TMEM117: variants seen among roughly 807,000 people sequenced by gnomAD.
TMEM117 encodes the protein transmembrane protein 117.
In TMEM117, 27 loss-of-function variants were observed where a neutral mutation model predicts 52.4. The observed-to-expected ratio is 0.51, with a 90% CI of 0.38 to 0.71. The LOEUF is 0.71. TMEM117 is among the 30% of genes least tolerant of loss of function. The pLI is 0.00. For missense variants in TMEM117, 556 were observed against 630.5 expected, an observed-to-expected ratio of 0.88 and a Z score of 1.26; for synonymous variants, 215 against 206.3, an observed-to-expected ratio of 1.04 and a Z score of -0.36.
intron 6 of TMEM117, among the ~76,000 whole-genome samples, chr12:44,350,695 A>T (rs1951550688): frequency 6.6e-6 from 1 of 151,920 alleles, no homozygotes; most frequent in African/African-American, 2.4e-5. Flanking sequence ...AGATGGCAGG[A>T]TCTCATTGTT....
chr12:44,097,670 A>G (rs1045308608), intron 3 of TMEM117, among the ~76,000 whole-genome samples: 1 of 149,064 alleles, frequency 6.7e-6, no homozygotes, highest in Non-Finnish European at 1.5e-5. Flanking sequence ...AACAACGAGA[A>G]CACATGGACA....
intron 2 of TMEM117, among the ~76,000 whole-genome samples, chr12:43,904,951 C>T (rs555991540): frequency 1.3e-4 from 20 of 152,136 alleles, no homozygotes; most frequent in African/African-American, 4.8e-4. Flanking sequence ...CGAGACCAGC[C>T]TAACCAACAA....
At chr12:44,074,362 A>C (rs1025113861) in intron 3 of TMEM117, among the ~76,000 whole-genome samples, 1 of 152,168 alleles carries the variant, frequency 6.6e-6, no homozygotes, top group African/African-American at 2.4e-5. Flanking sequence ...TTATTTATTA[A>C]ATCCCTTCTC....
intron 2 of TMEM117, among the ~76,000 whole-genome samples, chr12:43,848,655 CA>C (rs1461685843): frequency 6.6e-6 from 1 of 152,098 alleles, no homozygotes; most frequent in Non-Finnish European, 1.5e-5. Context: ...ACACATGTTT[CA>C]CAATCAATTT....
At chr12:44,339,532 A>G (rs144847719) in intron 6 of TMEM117, among the ~76,000 whole-genome samples, 20 of 152,224 alleles carry the variant, frequency 1.3e-4, no homozygotes, top group African/African-American at 4.8e-4. Context: ...AAATATTATT[A>G]GAAAAATTAG....
Position 44,143,534 on chromosome 12 carries a change from C to A in TMEM117, c.420C>A (p.Ile140=), listed in dbSNP as rs777915938. The change falls in exon 4 of 8, where the codon ATC becomes ATA. Residue 140 remains isoleucine, a synonymous_variant. Coordinates refer to ENST00000266534, the MANE Select transcript of TMEM117 (RefSeq NM_032256.3). ...LLMDGNMGAY[I]ITDYMGIRNE... is the part of the protein sequence containing the mutation. ...GTGTTTGTTTCCACAGAGCATATAT[C>A]ATTACAGACTATATGGGCATCCGAA... is the stretch of plus-strand genomic sequence containing the variant. The A allele has an allele frequency of 5.0e-6, 8 of 1,611,364 alleles. No homozygotes were observed. The highest frequency in any genetic ancestry group is 1.7e-5 in the Admixed American group (1 of 59,796).
chr12:44,391,156 G>A (rs896340707), downstream of TMEM117, among the ~76,000 whole-genome samples: 4 of 152,084 alleles, frequency 2.6e-5, no homozygotes, highest in African/African-American at 9.7e-5. Flanking sequence ...TCCACATAGT[G>A]CAGAATTTGA....
chr12:43,960,854 A>G (rs771787859), intron 3 of TMEM117, among the ~76,000 whole-genome samples: 35 of 152,184 alleles, frequency 2.3e-4, no homozygotes, highest in Non-Finnish European at 4.4e-4. Context: ...AGTGATATTA[A>G]TATTACTATT....
chr12:43,830,860 A>C, the TMEM117 span, among the ~76,000 whole-genome samples: 1 of 152,220 alleles, frequency 6.6e-6, no homozygotes, highest in Non-Finnish European at 1.5e-5. Context: ...TAAGACATGC[A>C]AAGCAGCTAC....
intron 3 of TMEM117, among the ~76,000 whole-genome samples, chr12:43,968,168 T>A (rs1278456221): frequency 6.6e-6 from 1 of 152,228 alleles, no homozygotes; most frequent in East Asian, 1.9e-4. Context: ...TCTTTCTTAT[T>A]GAATGCAAAT....
intron 3 of TMEM117, among the ~76,000 whole-genome samples, chr12:43,949,757 C>G (rs1945190528): frequency 6.6e-6 from 1 of 152,146 alleles, no homozygotes; most frequent in Non-Finnish European, 1.5e-5. Flanking sequence ...GCCTAGCTAC[C>G]TACTCCAACA....
chr12:44,063,568 T>C (rs1947173335), intron 3 of TMEM117, among the ~76,000 whole-genome samples: 1 of 151,980 alleles, frequency 6.6e-6, no homozygotes. Flanking sequence ...GCTGCACCCA[T>C]TAACTCGTCA....
intron 3 of TMEM117, among the ~76,000 whole-genome samples, chr12:44,048,121 A>G (rs1946908864): frequency 2.6e-5 from 4 of 152,152 alleles, no homozygotes; most frequent in Admixed American, 1.3e-4. Flanking sequence ...TTAGAAATTT[A>G]TCCATTTTCT....
intron 4 of TMEM117, among the ~76,000 whole-genome samples, chr12:44,165,588 A>T (rs1322700366): frequency 3.3e-5 from 5 of 152,230 alleles, no homozygotes; most frequent in Non-Finnish European, 1.5e-5. Context: ...ATACTTAGAT[A>T]AAACAGACTT....
chr12:44,135,086 A>T (rs1948470274), intron 3 of TMEM117, among the ~76,000 whole-genome samples: 1 of 152,094 alleles, frequency 6.6e-6, no homozygotes, highest in South Asian at 2.1e-4. Context: ...ATTACAGGGG[A>T]TAAAACTGTG....
intron 3 of TMEM117, among the ~76,000 whole-genome samples, chr12:44,068,955 C>T (rs937260141): frequency 6.6e-6 from 1 of 152,078 alleles, no homozygotes; most frequent in African/African-American, 2.4e-5. Flanking sequence ...TGATGGCAGC[C>T]AGTTGTCATA....
intron 5 of TMEM117, among the ~76,000 whole-genome samples, chr12:44,278,982 A>T (rs1161307533): frequency 6.6e-6 from 1 of 152,224 alleles, no homozygotes. Flanking sequence ...TACAGTTAGA[A>T]GTACATGATA....
intron 4 of TMEM117, among the ~76,000 whole-genome samples, chr12:44,207,321 T>C (rs892377500): frequency 6.6e-6 from 1 of 152,170 alleles, no homozygotes; most frequent in Non-Finnish European, 1.5e-5. Context: ...ATATCAAATA[T>C]GACTTTAGAT....
At chr12:43,833,409 T>C (rs61930677), upstream of TMEM117, among the ~76,000 whole-genome samples, 1 of 152,226 alleles carries the variant, frequency 6.6e-6, no homozygotes, top group Non-Finnish European at 1.5e-5. Flanking sequence ...CAATATATTT[T>C]TCAGCCTCTT....
Sources: gnomAD v4.1 joint callset for allele counts (sites outside exome capture counted in the v4.1 genomes callset) on GRCh38, gnomAD v4.1.1 for gene constraint, MANE v1.5 for transcripts, NCBI Gene and HGNC (gene_info 2026-07-23, HGNC 2026-07-21) for gene names.